Variants in INPP4A observed in about 807,000 individuals in gnomAD.
INPP4A encodes the protein inositol polyphosphate-4-phosphatase type I A.
A neutral mutation model predicts 119.8 loss-of-function variants in INPP4A; 33 were observed. The observed-to-expected ratio is 0.28, with a 90% CI of 0.21 to 0.37. The LOEUF is 0.37. Among genes scored for constraint, INPP4A ranks in the 10% least tolerant of loss-of-function variants. INPP4A has a pLI of 1.00. For synonymous variants in INPP4A, 496 were observed against 500.7 expected (o/e 0.99, Z 0.12); for missense variants, 956 against 1,289.9 (o/e 0.74, Z 3.97).
chr2:98,520,829 T>TTGC (rs986228403), intron 4 of INPP4A, 98 bp downstream of exon 4: 3 of 668,186 alleles, frequency 4.5e-6, no homozygotes, highest in Non-Finnish European at 7.6e-6. Context: ...CTCAGAGAGC[T>TTGC]TGCTGCTGCT....
intron 1 of INPP4A, among the ~76,000 whole-genome samples, chr2:98,465,554 C>A (rs891826980): frequency 5.9e-5 from 9 of 152,116 alleles, no homozygotes; most frequent in Admixed American, 2.0e-4. Flanking sequence ...TTTGACCTGC[C>A]ATACCTCACA....
chr2:98,562,534 C>T (rs1414853096), intron 17 of INPP4A, among the ~76,000 whole-genome samples: 1 of 152,218 alleles, frequency 6.6e-6, no homozygotes, highest in Non-Finnish European at 1.5e-5. Context: ...CTCGAACCCT[C>T]ACCCTAAGGG....
At chr2:98,477,290 C>T (rs905880769) in intron 1 of INPP4A, among the ~76,000 whole-genome samples, 6 of 152,232 alleles carry the variant, frequency 3.9e-5, no homozygotes, top group East Asian at 1.9e-4. Flanking sequence ...CCCGCCGTCC[C>T]GTCTCCCTGA....
At chr2:98,493,377 A>G (rs942543415) in intron 1 of INPP4A, among the ~76,000 whole-genome samples, 11 of 146,724 alleles carry the variant, frequency 7.5e-5, no homozygotes, top group Non-Finnish European at 1.7e-4. Context: ...TTTTCAGCTT[A>G]TTTACTAATC....
intron 1 of INPP4A, among the ~76,000 whole-genome samples, chr2:98,499,763 TAA>T (rs1204554117): frequency 6.6e-6 from 1 of 152,230 alleles, no homozygotes; most frequent in Non-Finnish European, 1.5e-5. Context: ...TCTTCACACA[TAA>T]AGTCTTTTAA....
intron 1 of INPP4A, among the ~76,000 whole-genome samples, chr2:98,501,167 A>G (rs1336966376): frequency 2.6e-5 from 4 of 152,144 alleles, no homozygotes; most frequent in African/African-American, 9.7e-5. Context: ...AAATACAAAA[A>G]TTAGCTGGGT....
chr2:98,545,358 T>G (rs1270957420), intron 11 of INPP4A, among the ~76,000 whole-genome samples: 1 of 152,228 alleles, frequency 6.6e-6, no homozygotes, highest in East Asian at 1.9e-4. Context: ...ATATTTGTTA[T>G]AAAATAGCGT....
At chr2:98,531,494 A>G (rs1689204222) in intron 4 of INPP4A, among the ~76,000 whole-genome samples, 2 of 152,220 alleles carry the variant, frequency 1.3e-5, no homozygotes, top group African/African-American at 4.8e-5. Flanking sequence ...ATAGTTGAGC[A>G]TTTCTCCCAA....
At chr2:98,489,956 T>G (rs1434640569) in intron 1 of INPP4A, among the ~76,000 whole-genome samples, 3 of 147,188 alleles carry the variant, frequency 2.0e-5, no homozygotes, top group African/African-American at 7.6e-5. Flanking sequence ...CAAGTGCTTG[T>G]GGAGTGAGGA....
Position 98,570,690 on chromosome 2 carries a change from C to T in INPP4A, c.2518+2022C>T, listed in dbSNP as rs1321777972. On this transcript the variant is annotated intron_variant, in intron 22 of 24. Transcript: ENST00000409851. The surrounding 1 kb of genome is among the most constrained non-coding windows in gnomAD (Gnocchi z 4.3). ...GCAAGAGGACACCAGAGTCACAGAC[C>T]AGGCCCTGGAGTGGGCAGGCGGAGG... is the stretch of plus-strand genomic sequence containing the variant. Among the ~76,000 whole-genome samples the T allele has an allele frequency of 6.6e-6, 1 of 152,088 alleles. No homozygotes were observed.
intron 1 of INPP4A, among the ~76,000 whole-genome samples, chr2:98,478,191 T>G (rs967646886): frequency 1.3e-5 from 2 of 152,190 alleles, no homozygotes; most frequent in African/African-American, 4.8e-5. Context: ...GGGTGTTTCC[T>G]TTTTCTTTCT....
intron 1 of INPP4A, among the ~76,000 whole-genome samples, chr2:98,499,666 A>C (rs917267493): frequency 5.3e-5 from 8 of 152,210 alleles, no homozygotes; most frequent in Non-Finnish European, 1.2e-4. Flanking sequence ...CCCTTTTTAA[A>C]AATTAATAAA....
rs140524245 is a variant in INPP4A, at chr2:98,480,649, A to G, written c.-166+35564A>G. ...GTGACCCTCTGTGCACTGAAGGAGT[A>G]AATGACTGAGGTGGCCAGCTAGCTC... On this transcript the variant is annotated intron_variant, in intron 1 of 24. Transcript: ENST00000409851. Among the ~76,000 whole-genome samples, 101 of 152,332 alleles carry G rather than the reference A, an allele frequency of 6.6e-4. 2 individuals are homozygous for G. In the East Asian group the frequency reaches 0.01, roughly 15 times the overall value.
chr2:98,450,558 C>T (rs1378504494), intron 1 of INPP4A, among the ~76,000 whole-genome samples: 2 of 152,162 alleles, frequency 1.3e-5, no homozygotes. Context: ...CTTTCTGTGC[C>T]TCAGTTATTT....
intron 24 of INPP4A, chr2:98,581,903 C>T: frequency 7.7e-7 from 1 of 1,299,804 alleles, no homozygotes; most frequent in Non-Finnish European, 1.0e-6. Flanking sequence ...ACGTTTTGTT[C>T]TTCTGAACTG....
intron 24 of INPP4A, among the ~76,000 whole-genome samples, chr2:98,582,327 T>C (rs1699432158): frequency 6.6e-6 from 1 of 152,240 alleles, no homozygotes; most frequent in African/African-American, 2.4e-5. Context: ...AATCCTACCA[T>C]TTCCTTGCTT....
chr2:98,465,602 G>A (rs1674577446), intron 1 of INPP4A, among the ~76,000 whole-genome samples: 1 of 152,142 alleles, frequency 6.6e-6, no homozygotes, highest in South Asian at 2.1e-4. Flanking sequence ...ACATACAGTG[G>A]GCTTAATGAG....
rs1485342259 is a variant in INPP4A, at chr2:98,565,648, C to T, written c.2161C>T (p.Leu721=). 8 of 1,607,422 alleles carry T rather than the reference C, an allele frequency of 5.0e-6. No individual in the cohort carries two copies. Among genetic ancestry groups the T allele is most frequent in the Non-Finnish European group, 6.8e-6 (8 of 1,174,904 alleles). The change falls in exon 20 of 25, where the codon CTG becomes TTG. Residue 721 remains leucine, a synonymous_variant. Transcript: ENST00000409851. ...CCCTCTCTCATGTCCAGGGGAGGAGCTGGCAATGCTGGAGGACATGAGCCT... is the reference window on the plus strand; with the variant it reads ...CCCTCTCTCATGTCCAGGGGAGGAGTTGGCAATGCTGGAGGACATGAGCCT... ...ESLLSTYGEE[L]AMLEDMSLGI...
intron 4 of INPP4A, chr2:98,520,951 A>G (rs1240538580): frequency 2.1e-6 from 1 of 469,936 alleles, no homozygotes; most frequent in Admixed American, 4.2e-5. Flanking sequence ...TCTCCTCAGC[A>G]TGGGGCCCGC....
Sources: allele counts gnomAD v4.1 joint callset (sites outside exome capture counted in the v4.1 genomes callset), GRCh38; gene constraint gnomAD v4.1.1; non-coding constraint Gnocchi (gnomAD v3.1); transcripts MANE v1.5; gene names NCBI Gene and HGNC (gene_info 2026-07-23, HGNC 2026-07-21).